The following GPC6 variants were observed in gnomAD, a reference collection of about 807,000 sequenced individuals.
The protein encoded by GPC6 is glypican-6.
In GPC6, 14 loss-of-function variants were observed where a neutral mutation model predicts 55.2. That is an observed-to-expected ratio of 0.25 (90% CI 0.17 to 0.40). The LOEUF is 0.40. Among genes scored for constraint, GPC6 ranks in the 10% least tolerant of loss-of-function variants. The pLI, the probability that GPC6 is intolerant of heterozygous loss-of-function variation, is 1.00. For synonymous variants in GPC6, 278 were observed against 259.6 expected, an observed-to-expected ratio of 1.07 and a Z score of -0.68; for missense variants, 641 against 708.5, an observed-to-expected ratio of 0.90 and a Z score of 1.08.
At chr13:93,311,516 G>A (rs768546434) in intron 1 of GPC6, among the ~76,000 whole-genome samples, 7 of 152,026 alleles carry the variant, frequency 4.6e-5, no homozygotes, top group East Asian at 1.9e-4. Flanking sequence ...TCCTGGTTCC[G>A]GTAATCCCAT....
rs141618479 is a variant in GPC6, at chr13:94,247,151, G to A, written c.878-39198G>A. ...TTTAAAAAATTTACTTTCCAGATAG[G>A]TCATTGTTTGTGTATTAAAATGTCA... On this transcript the variant is annotated intron_variant, in intron 4 of 8. Transcript: ENST00000377047. Among the ~76,000 whole-genome samples, 730 of 152,024 alleles carry A rather than the reference G, an allele frequency of 4.8e-3. 5 individuals carry two copies. Among genetic ancestry groups the A allele is most frequent in the African/African-American group, 0.017 (703 of 41,498 alleles).
intron 3 of GPC6, among the ~76,000 whole-genome samples, chr13:93,941,084 G>A (rs1332307717): frequency 6.6e-6 from 1 of 152,020 alleles, no homozygotes; most frequent in Admixed American, 6.6e-5. Flanking sequence ...TGGGCAACAG[G>A]CTTTAAAAGA....
intron 6 of GPC6, among the ~76,000 whole-genome samples, chr13:94,371,426 T>C (rs550475672): frequency 6.6e-6 from 1 of 152,266 alleles, no homozygotes. Context: ...GAGTAATGAT[T>C]CCAGCATCTG....
intron 3 of GPC6, among the ~76,000 whole-genome samples, chr13:93,847,064 G>A (rs1228376941): frequency 6.6e-6 from 1 of 152,010 alleles, no homozygotes; most frequent in Non-Finnish European, 1.5e-5. Flanking sequence ...ATGCATTTTT[G>A]TCTGTAATTG....
intron 1 of GPC6, among the ~76,000 whole-genome samples, chr13:93,529,738 A>C (rs1881792451): frequency 6.6e-6 from 1 of 151,736 alleles, no homozygotes; most frequent in Non-Finnish European, 1.5e-5. Context: ...GCTGGTCTCA[A>C]ACTCCTGACC....
intron 2 of GPC6, among the ~76,000 whole-genome samples, chr13:93,744,028 A>T (rs955601398): frequency 2.0e-5 from 3 of 152,238 alleles, no homozygotes; most frequent in Admixed American, 2.0e-4. Flanking sequence ...TGGCGAATAC[A>T]GCAAAAATAC....
chr13:93,844,429 G>T (rs1405270180), intron 3 of GPC6, among the ~76,000 whole-genome samples: 1 of 152,144 alleles, frequency 6.6e-6, no homozygotes, highest in East Asian at 1.9e-4. Context: ...GAGCCATCAC[G>T]CCTGGCCGGT....
At chr13:93,491,701 G>T (rs1208605965) in intron 1 of GPC6, among the ~76,000 whole-genome samples, 1 of 136,976 alleles carries the variant, frequency 7.3e-6, no homozygotes, top group Non-Finnish European at 1.6e-5. Context: ...TTTTGTATAA[G>T]GTGTAAGGAA....
chr13:94,250,063 C>A lies in GPC6; in HGVS notation c.878-36286C>A, dbSNP rs183919190. Among the ~76,000 whole-genome samples the A allele has an allele frequency of 3.2e-4, 48 of 152,166 alleles. 1 individual carries two copies. Among genetic ancestry groups the A allele is most frequent in the South Asian group, 2.7e-3 (13 of 4,822 alleles). ...CAACATAGATCAATAAGTCGACAAG[C>A]CTTTGTTAAGCATTAATAAATGCCA... is the stretch of plus-strand genomic sequence containing the variant. On this transcript the variant is annotated intron_variant, in intron 4 of 8. Coordinates refer to ENST00000377047, the MANE Select transcript of GPC6 (RefSeq NM_005708.5).
At chr13:94,218,618 G>A (rs533544406) in intron 4 of GPC6, among the ~76,000 whole-genome samples, 10 of 152,208 alleles carry the variant, frequency 6.6e-5, no homozygotes, top group African/African-American at 1.7e-4. Context: ...TTTGGTGACC[G>A]TCCTGTACCC....
chr13:93,542,894 A>G (rs1191038187), intron 1 of GPC6, among the ~76,000 whole-genome samples: 1 of 152,160 alleles, frequency 6.6e-6, no homozygotes, highest in South Asian at 2.1e-4. Flanking sequence ...GACTTTGCTG[A>G]AGTTGCTTAT....
chr13:93,749,722 G>C, intron 2 of GPC6, among the ~76,000 whole-genome samples: 1 of 151,998 alleles, frequency 6.6e-6, no homozygotes. Context: ...AAAAAAGACA[G>C]AGGGCTTAAA....
intron 4 of GPC6, among the ~76,000 whole-genome samples, chr13:94,257,212 AC>A (rs1218544507): frequency 6.6e-6 from 1 of 152,216 alleles, no homozygotes; most frequent in African/African-American, 2.4e-5. Context: ...ATCCTGAATG[AC>A]AAAAAATCAA....
chr13:94,253,366 A>G (rs1891415516), intron 4 of GPC6, among the ~76,000 whole-genome samples: 1 of 152,130 alleles, frequency 6.6e-6, no homozygotes, highest in African/African-American at 2.4e-5. Context: ...TAACCTAGAT[A>G]GTCAAAGGCA....
intron 2 of GPC6, among the ~76,000 whole-genome samples, chr13:93,723,772 T>C (rs1883534043): frequency 1.3e-5 from 2 of 151,878 alleles, no homozygotes; most frequent in Non-Finnish European, 2.9e-5. Flanking sequence ...GTGTAGAGGA[T>C]GGTGAAATAT....
chr13:94,045,851 A>AAT (rs1883713573), intron 4 of GPC6, among the ~76,000 whole-genome samples: 1 of 151,930 alleles, frequency 6.6e-6, no homozygotes, highest in African/African-American at 2.4e-5. Flanking sequence ...TTCAGAAGAG[A>AAT]ATGTCCATAA....
chr13:93,676,454 A>G (rs997475161), intron 2 of GPC6, among the ~76,000 whole-genome samples: 3 of 151,722 alleles, frequency 2.0e-5, no homozygotes, highest in Non-Finnish European at 4.4e-5. Flanking sequence ...AAAAAAATAA[A>G]ATGGTATTAG....
chr13:93,450,704 T>A, intron 1 of GPC6: 1 of 970,824 alleles, frequency 1.0e-6, no homozygotes, highest in Non-Finnish European at 1.2e-6. Flanking sequence ...GCTCCAACAC[T>A]TCCCACTTTT....
At position 94,403,510 on chromosome 13, in the gene GPC6, T is replaced by C; in HGVS notation, c.*293T>C. The C allele has an allele frequency of 2.4e-6, 1 of 418,888 alleles. No individual in the cohort carries two copies. Among genetic ancestry groups the C allele is most frequent in the Non-Finnish European group, 4.4e-6 (1 of 225,004 alleles). The allele number at this position is 418,888 out of a possible 1,614,324, so 25.9% of individuals were successfully genotyped here. ...TTCTTACCTTCATTTGCTTTTATGC[T>C]GCAGAAGTAAAGGAATCTCACGTTG... On this transcript the variant is annotated 3_prime_UTR_variant, in exon 9 of 9. Coordinates refer to ENST00000377047, the MANE Select transcript of GPC6 (RefSeq NM_005708.5).
Sources: gnomAD v4.1 joint callset for allele counts (sites outside exome capture counted in the v4.1 genomes callset) on GRCh38, gnomAD v4.1.1 for gene constraint, MANE v1.5 for transcripts, NCBI Gene and HGNC (gene_info 2026-07-23, HGNC 2026-07-21) for gene names.